Variants in GAS2L3 observed in about 807,000 individuals in gnomAD.
GAS2L3 encodes growth arrest specific 2 like 3.
Under a neutral mutation model 37.0 loss-of-function variants are expected in GAS2L3, and 28 were observed. That is an observed-to-expected ratio of 0.76 (90% CI 0.56 to 1.04). The LOEUF is 1.04. Ranked by LOEUF, GAS2L3 falls within the 50% of genes least tolerant of loss-of-function variation. The pLI, the probability that GAS2L3 is intolerant of heterozygous loss-of-function variation, is 0.00. For synonymous variants in GAS2L3, 290 were observed against 296.6 expected (o/e 0.98, Z 0.23); for missense variants, 793 against 817.6 (o/e 0.97, Z 0.37).
chr12:100,589,385 C>T (rs189212913), intron 1 of GAS2L3, among the ~76,000 whole-genome samples: 36 of 151,974 alleles, frequency 2.4e-4, no homozygotes, highest in Admixed American at 3.3e-4. Context: ...AAGACCTCTA[C>T]AAGGAAAACT....
chr12:100,591,590 A>G (rs1308102592), intron 1 of GAS2L3, 146 bp from the exon 2 acceptor site: 1 of 152,218 alleles, frequency 6.6e-6, no homozygotes, highest in African/African-American at 2.4e-5. Context: ...GATAAATTAT[A>G]TCAAATGAAC....
chr12:100,620,293 G>C (rs1956237762), intron 8 of GAS2L3, among the ~76,000 whole-genome samples: 1 of 151,934 alleles, frequency 6.6e-6, no homozygotes, highest in Non-Finnish European at 1.5e-5. Context: ...TGTTTATTTT[G>C]TGTAAAATAT....
chr12:100,618,029 G>C (rs757320865), intron 7 of GAS2L3, among the ~76,000 whole-genome samples: 10 of 152,076 alleles, frequency 6.6e-5, no homozygotes, highest in Non-Finnish European at 1.3e-4. Flanking sequence ...TTAAACTATG[G>C]GAGTGGTTAC....
intron 1 of GAS2L3, among the ~76,000 whole-genome samples, chr12:100,583,364 A>G (rs1291719786): frequency 6.6e-6 from 1 of 152,258 alleles, no homozygotes; most frequent in Non-Finnish European, 1.5e-5. Context: ...CTTAAGATGT[A>G]AAAATGTTTG....
chr12:100,607,739 A>G (rs548974598), intron 5 of GAS2L3, among the ~76,000 whole-genome samples: 2 of 152,074 alleles, frequency 1.3e-5, no homozygotes, highest in Non-Finnish European at 2.9e-5. Flanking sequence ...TGTCAATTGC[A>G]TTTCTCAACT....
At chr12:100,617,915 A>C (rs980934440) in intron 7 of GAS2L3, 108 bp downstream of exon 7, 4 of 651,164 alleles carry the variant, frequency 6.1e-6, no homozygotes, top group Non-Finnish European at 1.1e-5. Context: ...CTTTAAATGA[A>C]CTATTTTCCT....
intron 1 of GAS2L3, among the ~76,000 whole-genome samples, chr12:100,574,769 C>T (rs1364049177): frequency 6.6e-6 from 1 of 152,190 alleles, no homozygotes; most frequent in Non-Finnish European, 1.5e-5. Flanking sequence ...CCTGTCTTGG[C>T]ACTTAAATGA....
At position 100,624,634 on chromosome 12, in the gene GAS2L3, G is replaced by A. The variant is rs141848933; in HGVS notation, c.1829G>A (p.Arg610His). ...CCCAGCTCCTTGAAGTCTCCTGGCCGTACCCCACTGTCCATCGTGAGCCTA... is the reference window on the plus strand; with the variant it reads ...CCCAGCTCCTTGAAGTCTCCTGGCCATACCCCACTGTCCATCGTGAGCCTA... ...TGPSSLKSPG[R>H]TPLSIVSLPQ... is the part of the protein sequence containing the mutation. The change falls in exon 10 of 10, where the codon CGT becomes CAT. Residue 610 changes from arginine (R) to histidine (H), a missense_variant. By Grantham distance (29) the Arg-to-His change is conservative. Transcript: ENST00000547754. 1.1e-5 allele frequency: 17 copies of A among 1,613,874 alleles called. No individual in the cohort carries two copies. Among genetic ancestry groups the A allele is most frequent in the Admixed American group, 1.0e-4 (6 of 59,966 alleles).
At position 100,597,977 on chromosome 12, in the gene GAS2L3, A is replaced by C. The variant is rs920255358; in HGVS notation, c.19-2405A>C. 2.6e-5 allele frequency among the ~76,000 whole-genome samples: 4 copies of C among 152,136 alleles called. No individual in the cohort carries two copies. The East Asian group carries it at 7.7e-4, about 29-fold the overall frequency. On this transcript the variant is annotated intron_variant, in intron 3 of 9. Coordinates refer to ENST00000547754, the MANE Select transcript of GAS2L3 (RefSeq NM_174942.3). The stretch of plus-strand genomic sequence containing the variant: ...TAAAAGTTTGGTTTTTTTAAAAAAA[A>C]ATTTTAAAGCCATCACAGACTACAG...
At chr12:100,590,166 A>G (rs994126670) in intron 1 of GAS2L3, among the ~76,000 whole-genome samples, 12 of 152,240 alleles carry the variant, frequency 7.9e-5, no homozygotes, top group African/African-American at 2.9e-4. Flanking sequence ...TAAGCTATAC[A>G]TCTGACAAAG....
At chr12:100,575,594 G>A (rs1298010520) in intron 1 of GAS2L3, among the ~76,000 whole-genome samples, 1 of 145,000 alleles carries the variant, frequency 6.9e-6, no homozygotes, top group Non-Finnish European at 1.5e-5. Flanking sequence ...CGATTCTCCT[G>A]CCTCAGCCTC....
chr12:100,616,168 A>G (rs992206720), intron 6 of GAS2L3, among the ~76,000 whole-genome samples: 5 of 152,150 alleles, frequency 3.3e-5, no homozygotes, highest in Admixed American at 3.3e-4. Context: ...ACAGTGTTTT[A>G]TAGTTTTCAG....
intron 1 of GAS2L3, among the ~76,000 whole-genome samples, chr12:100,590,279 AAG>A (rs1401484346): frequency 6.6e-6 from 1 of 152,220 alleles, no homozygotes; most frequent in Non-Finnish European, 1.5e-5. Context: ...CAGTTCTCAA[AAG>A]AAGATATACA....
intron 1 of GAS2L3, chr12:100,578,798 C>T (rs1593156244): frequency 3.2e-6 from 2 of 623,048 alleles, no homozygotes; most frequent in East Asian, 6.1e-5. Context: ...TACACTGTCT[C>T]AGGTTAGCCC....
rs1485528221 is a variant in GAS2L3 at position 100,588,739 on chromosome 12, C to A, written c.-151-2997C>A. On this transcript the variant is annotated intron_variant, in intron 1 of 9. Transcript: ENST00000547754. ...CATTCCCAGAGCAGCCATTTATAGA[C>A]CTCCCCCCAGGAACGTATTCCTTTC... Among the ~76,000 whole-genome samples the A allele has an allele frequency of 7.9e-5, 12 of 152,100 alleles. 1 individual carries two copies. Among genetic ancestry groups the A allele is most frequent in the Admixed American group, 5.9e-4 (9 of 15,272 alleles).
intron 1 of GAS2L3, among the ~76,000 whole-genome samples, chr12:100,575,476 A>ATTTTTTTTTTTTT (rs58446699): frequency 1.1e-4 from 10 of 88,788 alleles, no homozygotes; most frequent in East Asian, 3.8e-4. Flanking sequence ...TGTTATCTCT[A>ATTTTTTTTTTTTT]TTTTTTTTTT....
At chr12:100,607,937 T>A (rs1254493221) in intron 5 of GAS2L3, among the ~76,000 whole-genome samples, 3 of 152,102 alleles carry the variant, frequency 2.0e-5, no homozygotes, top group Non-Finnish European at 4.4e-5. Context: ...ATTGGTGAGG[T>A]CGTGTTTTCC....
Position 100,625,127 on chromosome 12 carries a change from T to C in GAS2L3, c.*237T>C, listed in dbSNP as rs1368278819. On this transcript the variant is annotated 3_prime_UTR_variant, in exon 10 of 10. Coordinates refer to ENST00000547754, the MANE Select transcript of GAS2L3 (RefSeq NM_174942.3). Reference sequence around the variant, plus strand: ...AAGGTTTTTATTAATAATAGACATGTATATGATTTTCAGTCTATAGCATCT... The same window carrying C: ...AAGGTTTTTATTAATAATAGACATGCATATGATTTTCAGTCTATAGCATCT... The C allele has an allele frequency of 3.6e-5, 13 of 363,528 alleles. No individual in the cohort carries two copies. The highest frequency in any genetic ancestry group is 5.9e-5 in the Non-Finnish European group (12 of 202,408). The allele number at this position is 363,528 out of a possible 1,614,324, so 22.5% of individuals were successfully genotyped here. A position where few individuals can be genotyped will look rare whatever the true frequency, so the allele number is the denominator to read the frequency against.
At chr12:100,589,237 C>T (rs954271875) in intron 1 of GAS2L3, among the ~76,000 whole-genome samples, 3 of 152,112 alleles carry the variant, frequency 2.0e-5, no homozygotes, top group Non-Finnish European at 1.5e-5. Flanking sequence ...AGCAAGGTTT[C>T]TGGATACAAG....
Sources: gnomAD v4.1 joint callset for allele counts (sites outside exome capture counted in the v4.1 genomes callset) on GRCh38, gnomAD v4.1.1 for gene constraint, MANE v1.5 for transcripts, NCBI Gene and HGNC (gene_info 2026-07-23, HGNC 2026-07-21) for gene names.